The following SPTSSB variants were observed in gnomAD, a reference collection of about 807,000 sequenced individuals.
The protein encoded by SPTSSB is serine palmitoyltransferase small subunit B, also known as androgen down regulated in mouse prostate.
Under a neutral mutation model 7.7 loss-of-function variants are expected in SPTSSB, and 6 were observed. The observed-to-expected ratio is 0.78, with a 90% CI of 0.43 to 1.54. SPTSSB has a LOEUF of 1.54. Ranked by LOEUF, SPTSSB falls within the 40% of genes most tolerant of loss-of-function variation. The pLI, the probability that SPTSSB is intolerant of heterozygous loss-of-function variation, is 0.01. For synonymous variants in SPTSSB, 28 were observed against 29.7 expected (o/e 0.94, Z 0.19); for missense variants, 91 against 93.0 (o/e 0.98, Z 0.09).
intron 1 of SPTSSB, among the ~76,000 whole-genome samples, chr3:161,370,365 G>A (rs1715455006): frequency 6.6e-6 from 1 of 152,124 alleles, no homozygotes; most frequent in Non-Finnish European, 1.5e-5. Flanking sequence ...TGGATAATGA[G>A]AGTGACAGTA....
intron 1 of SPTSSB, among the ~76,000 whole-genome samples, chr3:161,370,375 A>ACTCT (rs924883551): frequency 6.6e-6 from 1 of 152,212 alleles, no homozygotes; most frequent in Non-Finnish European, 1.5e-5. Flanking sequence ...GAGTGACAGT[A>ACTCT]CATTTCATAC....
At chr3:161,367,177 C>T (rs1278285604) in intron 1 of SPTSSB, among the ~76,000 whole-genome samples, 1 of 152,090 alleles carries the variant, frequency 6.6e-6, no homozygotes, top group East Asian at 1.9e-4. Flanking sequence ...AACTCTGTCT[C>T]AAAATAAATA....
At chr3:161,348,897 G>A (rs1714390954) in intron 2 of SPTSSB, among the ~76,000 whole-genome samples, 1 of 152,094 alleles carries the variant, frequency 6.6e-6, no homozygotes, top group South Asian at 2.1e-4. Context: ...GGTTATTATT[G>A]TTGAACCATC....
At chr3:161,358,853 C>G (rs1455393116) in intron 2 of SPTSSB, among the ~76,000 whole-genome samples, 1 of 152,150 alleles carries the variant, frequency 6.6e-6, no homozygotes, top group African/African-American at 2.4e-5. Flanking sequence ...AAAATCAAGG[C>G]TTGTTATCAA....
chr3:161,361,808 G>A (rs1715026959), intron 1 of SPTSSB, among the ~76,000 whole-genome samples: 1 of 152,130 alleles, frequency 6.6e-6, no homozygotes, highest in Admixed American at 6.6e-5. Context: ...ATATAAGTGG[G>A]TGAAATGATA....
At chr3:161,370,807 C>T (rs1715475180) in intron 1 of SPTSSB, among the ~76,000 whole-genome samples, 1 of 152,232 alleles carries the variant, frequency 6.6e-6, no homozygotes, top group Non-Finnish European at 1.5e-5. Flanking sequence ...CTACTCTAAA[C>T]ATTTCCCCAC....
intron 1 of SPTSSB, among the ~76,000 whole-genome samples, chr3:161,367,959 C>G (rs990979475): frequency 5.3e-5 from 8 of 152,158 alleles, no homozygotes; most frequent in African/African-American, 1.9e-4. Flanking sequence ...ATTAATATAA[C>G]GAATTGATGA....
intron 2 of SPTSSB, among the ~76,000 whole-genome samples, chr3:161,351,313 A>G (rs7651924): frequency 0.051 from 7,757 of 152,202 alleles, 519 homozygotes; most frequent in African/African-American, 0.14. Context: ...TGTCTTCTTG[A>G]TTTTTCTGTA....
chr3:161,357,249 C>T (rs557271372), intron 2 of SPTSSB, among the ~76,000 whole-genome samples: 7 of 152,166 alleles, frequency 4.6e-5, no homozygotes, highest in Non-Finnish European at 1.0e-4. Context: ...ACATAAATCG[C>T]TTAGATTTTA....
chr3:161,351,117 T>C (rs1267631996), intron 2 of SPTSSB, among the ~76,000 whole-genome samples: 4 of 152,194 alleles, frequency 2.6e-5, no homozygotes, highest in African/African-American at 9.6e-5. Flanking sequence ...TGTAATGTGG[T>C]ATCCCAGATG....
chr3:161,348,631 A>T (rs1420472697), intron 2 of SPTSSB, among the ~76,000 whole-genome samples: 1 of 152,376 alleles, frequency 6.6e-6, no homozygotes, highest in South Asian at 2.1e-4. Context: ...ATCTGCAATG[A>T]CTTTAAATCT....
intron 2 of SPTSSB, among the ~76,000 whole-genome samples, chr3:161,347,533 A>C (rs1714307281): frequency 1.3e-5 from 2 of 151,702 alleles, no homozygotes; most frequent in African/African-American, 4.8e-5. Context: ...AAGTGCTGGG[A>C]TGACAGGCAT....
At chr3:161,369,320 CTTTCTTTCTT>C (rs1715381555) in intron 1 of SPTSSB, among the ~76,000 whole-genome samples, 1 of 61,614 alleles carries the variant, frequency 1.6e-5, no homozygotes, top group African/African-American at 7.8e-5. Flanking sequence ...CTTTCTCTTT[CTTTCTTTCTT>C]TCTTTCTTTC....
At chr3:161,358,710 T>C (rs1430477555) in intron 2 of SPTSSB, among the ~76,000 whole-genome samples, 2 of 152,168 alleles carry the variant, frequency 1.3e-5, no homozygotes, top group Non-Finnish European at 2.9e-5. Context: ...TTTCAGAATG[T>C]TTATTCAATT....
At chr3:161,363,610 T>C (rs1715100350) in intron 1 of SPTSSB, among the ~76,000 whole-genome samples, 1 of 152,036 alleles carries the variant, frequency 6.6e-6, no homozygotes, top group Non-Finnish European at 1.5e-5. Flanking sequence ...ACAACCATAA[T>C]TTTACCATTT....
intron 1 of SPTSSB, among the ~76,000 whole-genome samples, chr3:161,370,629 T>C (rs1400850181): frequency 6.6e-6 from 1 of 152,220 alleles, no homozygotes; most frequent in Non-Finnish European, 1.5e-5. Context: ...GAAAAACAAT[T>C]TTCCCAACTC....
intron 2 of SPTSSB, among the ~76,000 whole-genome samples, chr3:161,349,645 A>C (rs963051354): frequency 7.9e-5 from 12 of 152,204 alleles, no homozygotes; most frequent in African/African-American, 2.9e-4. Flanking sequence ...ATGTTCTTAG[A>C]TCTTTCATGA....
chr3:161,355,811 A>G (rs163328), intron 2 of SPTSSB, among the ~76,000 whole-genome samples: 93,814 of 152,098 alleles, frequency 0.62, 30,298 homozygotes, highest in East Asian at 0.97. Flanking sequence ...CTTAAAAATG[A>G]CTAAGATGTT....
chr3:161,346,200 T>C lies in SPTSSB; in HGVS notation c.124A>G (p.Ile42Val). The C allele has an allele frequency of 6.2e-7, 1 of 1,610,240 alleles. No individual in the cohort carries two copies. Among genetic ancestry groups the C allele is most frequent in the Non-Finnish European group, 8.5e-7 (1 of 1,176,526 alleles). ...SMFNTILLTI[I>V]AMVVYTAYVF... Reference sequence around the variant, plus strand: ...TAGGCAGTGTATACCACCATAGCAATAATGGTTAGTAAGATGGTGTTAAAC... The same window carrying C: ...TAGGCAGTGTATACCACCATAGCAACAATGGTTAGTAAGATGGTGTTAAAC... Residue 42 changes from isoleucine to valine, a missense_variant, in exon 3 of 3, where the codon ATT (isoleucine) becomes GTT (valine). By Grantham distance (29) the Ile-to-Val change is conservative (BLOSUM62 3). Coordinates refer to ENST00000620149, the MANE Select transcript of SPTSSB (RefSeq NM_001040100.2).
Sources: allele counts gnomAD v4.1 joint callset (sites outside exome capture counted in the v4.1 genomes callset), GRCh38; gene constraint gnomAD v4.1.1; transcripts MANE v1.5; gene names NCBI Gene and HGNC (gene_info 2026-07-23, HGNC 2026-07-21).